The following UBE2E1 variants were observed in gnomAD, a reference collection of about 807,000 sequenced individuals.
UBE2E1 encodes the protein ubiquitin conjugating enzyme E2 E1.
Under a neutral mutation model 21.4 loss-of-function variants are expected in UBE2E1, and 6 were observed. The observed-to-expected ratio is 0.28, with a 90% CI of 0.15 to 0.55. UBE2E1 has a LOEUF of 0.55. Among genes scored for constraint, UBE2E1 ranks in the 20% least tolerant of loss-of-function variants. UBE2E1 has a pLI of 0.93. For missense variants in UBE2E1, 142 were observed against 236.5 expected, an observed-to-expected ratio of 0.60 and a Z score of 2.62; for synonymous variants, 87 against 82.7, an observed-to-expected ratio of 1.05 and a Z score of -0.28.
rs915054867 is a variant in UBE2E1 at position 23,855,972 on chromosome 3, T to C, written c.204-31595T>C. On this transcript the variant is annotated intron_variant, in intron 3 of 5. Transcript: ENST00000306627. ...AGCTGTGTTTTCCAGATGAGGAAACTGAGGACTGAACTGGAATTTGCATGC... is the reference window on the plus strand; with the variant it reads ...AGCTGTGTTTTCCAGATGAGGAAACCGAGGACTGAACTGGAATTTGCATGC... Among the ~76,000 whole-genome samples, 3 of 152,190 alleles carry C rather than the reference T, an allele frequency of 2.0e-5. No individual in the cohort carries two copies. In the East Asian group the frequency reaches 5.8e-4, roughly 29 times the overall value.
Position 23,832,738 on chromosome 3 carries a change from A to G in UBE2E1, c.203+21228A>G, listed in dbSNP as rs72627006. ...CAACAGAGCGAGACTTTGTCTCAAA[A>G]AAAGAAAAATACAGGGATGTGGTGA... On this transcript the variant is annotated intron_variant, in intron 3 of 5. Coordinates refer to ENST00000306627, the MANE Select transcript of UBE2E1 (RefSeq NM_003341.5). Among the ~76,000 whole-genome samples the G allele has an allele frequency of 2.8e-3, 434 of 152,292 alleles. 10 individuals carry two copies. The East Asian group carries it at 0.044, about 16-fold the overall frequency.
At chr3:23,839,926 G>A (rs1376587523) in intron 3 of UBE2E1, among the ~76,000 whole-genome samples, 2 of 151,588 alleles carry the variant, frequency 1.3e-5, no homozygotes, top group Non-Finnish European at 2.9e-5. Context: ...TTTATTTTTT[G>A]TATTTCTTGT....
intron 3 of UBE2E1, among the ~76,000 whole-genome samples, chr3:23,874,912 G>A (rs1043837228): frequency 2.0e-5 from 3 of 152,130 alleles, no homozygotes; most frequent in African/African-American, 7.2e-5. Context: ...CTACCCCCAC[G>A]ACTACCCTGA....
rs541677314 is a variant in UBE2E1, at chr3:23,842,583, A to G, written c.203+31073A>G. Among the ~76,000 whole-genome samples, 19 of 152,284 alleles carry G rather than the reference A, an allele frequency of 1.2e-4. No homozygotes were observed. Among genetic ancestry groups the G allele is most frequent in the African/African-American group, 4.6e-4 (19 of 41,558 alleles). On this transcript the variant is annotated intron_variant, in intron 3 of 5. Coordinates refer to ENST00000306627, the MANE Select transcript of UBE2E1 (RefSeq NM_003341.5). This position sits in a 1 kb window ranked among gnomAD's most constrained non-coding sequence, Gnocchi z 4.6. ...AGATATTTCAAGGCCTCCTTTTGTT[A>G]TGTAAGCTGAATTCATAGCTTGAGG...
intron 3 of UBE2E1, among the ~76,000 whole-genome samples, chr3:23,845,611 G>GTGTGTGTGTGTGTGTGTGTGTA (rs1700186042): frequency 1.3e-5 from 2 of 150,806 alleles, no homozygotes; most frequent in Non-Finnish European, 3.0e-5. Flanking sequence ...GTGTGTGTGT[G>GTGTGTGTGTGTGTGTGTGTGTA]TGTGTATGTG....
chr3:23,813,682 A>G (rs552217400), intron 3 of UBE2E1, among the ~76,000 whole-genome samples: 53 of 152,258 alleles, frequency 3.5e-4, no homozygotes, highest in African/African-American at 1.3e-3. Context: ...AGCTGGGATT[A>G]TAGGCACGTG....
At chr3:23,861,079 G>GCAAA (rs951124554) in intron 3 of UBE2E1, among the ~76,000 whole-genome samples, 1 of 152,196 alleles carries the variant, frequency 6.6e-6, no homozygotes, top group African/African-American at 2.4e-5. Flanking sequence ...GAAAAAGACA[G>GCAAA]TTTGCATTCC....
rs1377721880 is a variant in UBE2E1, at chr3:23,853,657, G to C, written c.204-33910G>C. ...GAGTTGGAGGGGAGAGGAGACACTT[G>C]TCCCTCTTAACTTGTTTCTTGGTAA... On this transcript the variant is annotated intron_variant, in intron 3 of 5. Coordinates refer to ENST00000306627, the MANE Select transcript of UBE2E1 (RefSeq NM_003341.5). The surrounding 1 kb of genome is among the most constrained non-coding windows in gnomAD (Gnocchi z 4.1). Among the ~76,000 whole-genome samples the C allele has an allele frequency of 6.6e-6, 1 of 152,100 alleles. No homozygotes were observed. Among genetic ancestry groups the C allele is most frequent in the Non-Finnish European group, 1.5e-5 (1 of 68,020 alleles).
intron 2 of UBE2E1, among the ~76,000 whole-genome samples, chr3:23,809,959 C>T (rs989035469): frequency 6.6e-6 from 1 of 152,186 alleles, no homozygotes; most frequent in Non-Finnish European, 1.5e-5. Flanking sequence ...GAACAAACCC[C>T]TTTCTAAAGT....
At position 23,853,544 on chromosome 3, in the gene UBE2E1, TTTTTTTAATATAAGTTTTATGG is replaced by T; in HGVS notation, c.204-34018_204-33997del. ...TTACAAAGATTTTTCTTCTGTTGTTTTTTTTTAATATAAGTTTTATGGTTTTAGCTGTTAAATTTAGGTCTCT... is the reference window on the plus strand; with the variant it reads ...TTACAAAGATTTTTCTTCTGTTGTTTTTTTAGCTGTTAAATTTAGGTCTCT... On this transcript the variant is annotated intron_variant, in intron 3 of 5. Transcript: ENST00000306627. The surrounding 1 kb of genome is among the most constrained non-coding windows in gnomAD (Gnocchi z 4.1). 6.6e-6 allele frequency among the ~76,000 whole-genome samples: 1 copy of T among 152,196 alleles called. No homozygotes were observed.
At chr3:23,855,606 G>T (rs1487515655) in intron 3 of UBE2E1, among the ~76,000 whole-genome samples, 1 of 152,216 alleles carries the variant, frequency 6.6e-6, no homozygotes, top group Middle Eastern at 3.4e-3. Context: ...GAGGTGGGCG[G>T]ATCACGAGGT....
intron 3 of UBE2E1, among the ~76,000 whole-genome samples, chr3:23,857,832 A>G (rs1339617437): frequency 2.0e-5 from 3 of 152,176 alleles, no homozygotes; most frequent in East Asian, 3.9e-4. Flanking sequence ...GATGGTAGCA[A>G]TGACCTTAGC....
chr3:23,890,406 C>A, intron 5 of UBE2E1, 103 bp from the exon 6 acceptor site: 2 of 1,033,714 alleles, frequency 1.9e-6, no homozygotes, highest in Non-Finnish European at 2.8e-6. Flanking sequence ...TGGGTTTGAT[C>A]ACACATACTT....
intron 3 of UBE2E1, among the ~76,000 whole-genome samples, chr3:23,882,632 T>G (rs775280354): frequency 1.3e-5 from 2 of 150,386 alleles, no homozygotes; most frequent in African/African-American, 2.4e-5. Flanking sequence ...ACTGCAGGGG[T>G]GGAGGGGAGG....
chr3:23,886,517 T>C (rs921260287), intron 3 of UBE2E1, among the ~76,000 whole-genome samples: 1 of 152,224 alleles, frequency 6.6e-6, no homozygotes, highest in Non-Finnish European at 1.5e-5. Flanking sequence ...TCTCCTCTGC[T>C]TTTCCTTTGT....
chr3:23,886,063 T>C (rs1239589390), intron 3 of UBE2E1, among the ~76,000 whole-genome samples: 1 of 151,972 alleles, frequency 6.6e-6, no homozygotes, highest in Non-Finnish European at 1.5e-5. Flanking sequence ...TAGCCAGGTA[T>C]GGTGGTGCAT....
intron 3 of UBE2E1, among the ~76,000 whole-genome samples, chr3:23,881,819 T>A (rs1701049594): frequency 6.6e-6 from 1 of 152,200 alleles, no homozygotes; most frequent in Non-Finnish European, 1.5e-5. Flanking sequence ...CTTCTGATGT[T>A]CGGACGTGTT....
chr3:23,807,240 C>T lies in UBE2E1; in HGVS notation c.-30C>T, dbSNP rs764065201. 2 of 1,599,974 alleles carry T rather than the reference C, an allele frequency of 1.3e-6. No homozygotes were observed. The highest frequency in any genetic ancestry group is 8.5e-7 in the Non-Finnish European group (1 of 1,174,920). ...TTTTGTTTCTCTCCCCCTGCAGGGGCTGTTTGCGGGGTGGGGTGGGGGGTT... is the reference window on the plus strand; with the variant it reads ...TTTTGTTTCTCTCCCCCTGCAGGGGTTGTTTGCGGGGTGGGGTGGGGGGTT... On this transcript the variant is annotated 5_prime_UTR_variant, in exon 2 of 6. Transcript: ENST00000306627.
intron 3 of UBE2E1, among the ~76,000 whole-genome samples, chr3:23,824,633 T>C (rs1411073367): frequency 6.6e-6 from 1 of 152,214 alleles, no homozygotes; most frequent in Non-Finnish European, 1.5e-5. Context: ...GATGGTAACA[T>C]TTACTCGTTG....
Sources: gnomAD v4.1 joint callset for allele counts (sites outside exome capture counted in the v4.1 genomes callset) on GRCh38, gnomAD v4.1.1 for gene constraint, Gnocchi (gnomAD v3.1) non-coding constraint, MANE v1.5 for transcripts, NCBI Gene and HGNC (gene_info 2026-07-23, HGNC 2026-07-21) for gene names.